Variants in ADGRB3 observed in about 807,000 individuals in gnomAD.
ADGRB3 encodes the protein brain-specific angiogenesis inhibitor 3.
In ADGRB3, 37 loss-of-function variants were observed where a neutral mutation model predicts 193.4. The ratio of observed to expected loss-of-function variants is 0.19; its 90% CI spans 0.15 to 0.25. ADGRB3 has a LOEUF of 0.25. Among genes scored for constraint, ADGRB3 ranks in the 10% least tolerant of loss-of-function variants. The pLI is 1.00. For missense variants in ADGRB3, 1,637 were observed against 1,852.9 expected (o/e 0.88, Z 2.14); for synonymous variants, 690 against 644.2 (o/e 1.07, Z -1.08).
At chr6:68,684,889 G>T (rs1049201459) in intron 3 of ADGRB3, among the ~76,000 whole-genome samples, 1 of 151,878 alleles carries the variant, frequency 6.6e-6, no homozygotes, top group African/African-American at 2.4e-5. Flanking sequence ...AGAGCATGGG[G>T]TAACATGATG....
At chr6:68,825,685 T>C (rs544770) in intron 3 of ADGRB3, among the ~76,000 whole-genome samples, 13,602 of 152,106 alleles carry the variant, frequency 0.089, 694 homozygotes, top group African/African-American at 0.12. Flanking sequence ...GTTCTCATGA[T>C]AGTGAGTGAG....
At chr6:69,180,577 C>G (rs762403075) in intron 17 of ADGRB3, among the ~76,000 whole-genome samples, 1 of 152,130 alleles carries the variant, frequency 6.6e-6, no homozygotes, top group Non-Finnish European at 1.5e-5. Flanking sequence ...CCATCATTAT[C>G]TCAGGAGAGC....
intron 15 of ADGRB3, among the ~76,000 whole-genome samples, chr6:69,053,965 A>G (rs1168626212): frequency 6.6e-6 from 1 of 152,204 alleles, no homozygotes; most frequent in Non-Finnish European, 1.5e-5. Context: ...TCAGCTTCCA[A>G]TTTTGTGGGA....
chr6:69,346,172 T>G (rs776468760), intron 26 of ADGRB3, among the ~76,000 whole-genome samples: 18 of 152,162 alleles, frequency 1.2e-4, no homozygotes, highest in Admixed American at 4.6e-4. Flanking sequence ...CCGAAGTAAT[T>G]TATAGATTCA....
chr6:69,022,336 T>C (rs1422849395), intron 13 of ADGRB3, among the ~76,000 whole-genome samples: 1 of 151,864 alleles, frequency 6.6e-6, no homozygotes, highest in African/African-American at 2.4e-5. Context: ...TTAGTATCAA[T>C]TAGGTCTGGA....
At chr6:68,651,208 G>T (rs541530323) in intron 3 of ADGRB3, among the ~76,000 whole-genome samples, 56 of 152,238 alleles carry the variant, frequency 3.7e-4, no homozygotes, top group African/African-American at 1.3e-3. Flanking sequence ...AACTTAAAGG[G>T]CAAACTGTAT....
intron 20 of ADGRB3, among the ~76,000 whole-genome samples, chr6:69,301,529 T>A (rs1447009162): frequency 6.6e-6 from 1 of 151,894 alleles, no homozygotes; most frequent in Non-Finnish European, 1.5e-5. Context: ...TTCTTGCATA[T>A]TTTTCATCAT....
chr6:69,085,091 G>A (rs769909946), intron 17 of ADGRB3, among the ~76,000 whole-genome samples: 7 of 152,126 alleles, frequency 4.6e-5, no homozygotes, highest in Non-Finnish European at 1.0e-4. Context: ...TACCCTCGGT[G>A]AAAATATTGC....
At chr6:68,857,282 G>T (rs1311824752) in intron 3 of ADGRB3, among the ~76,000 whole-genome samples, 1 of 152,186 alleles carries the variant, frequency 6.6e-6, no homozygotes, top group Non-Finnish European at 1.5e-5. Flanking sequence ...ACCCCTGAAT[G>T]GTAGATCCAC....
Position 68,664,606 on chromosome 6 carries a change from C to T in ADGRB3, c.757+25174C>T, listed in dbSNP as rs572661437. ...GAAATACATTTCCTTTGTTTATCAG[C>T]CACCAAGGCTATTGTGCTCTGTTAC... On this transcript the variant is annotated intron_variant, in intron 3 of 31. Transcript: ENST00000370598. Among the ~76,000 whole-genome samples the T allele has an allele frequency of 2.6e-5, 4 of 151,958 alleles. No homozygotes were observed. The South Asian group carries it at 8.3e-4, about 32-fold the overall frequency.
At chr6:68,809,667 C>G (rs1001608595) in intron 3 of ADGRB3, among the ~76,000 whole-genome samples, 2 of 152,120 alleles carry the variant, frequency 1.3e-5, no homozygotes, top group Admixed American at 6.5e-5. Context: ...AGGTCAAGTA[C>G]TGATTTTGTA....
Position 68,892,459 on chromosome 6 carries a change from C to A in ADGRB3, c.758-38100C>A, listed in dbSNP as rs141431272. On this transcript the variant is annotated intron_variant, in intron 3 of 31. Coordinates refer to ENST00000370598, the MANE Select transcript of ADGRB3 (RefSeq NM_001704.3). ...ACTCCTCAGAGAGGTCTTCCTTGAG[C>A]CCCTTATGTAAATTAGCCAGCTCAT... Among the ~76,000 whole-genome samples, 727 of 152,268 alleles carry A rather than the reference C, an allele frequency of 4.8e-3. 5 individuals are homozygous for A. Among genetic ancestry groups the A allele is most frequent in the African/African-American group, 0.016 (683 of 41,552 alleles).
At chr6:68,792,509 C>T (rs1050460288) in intron 3 of ADGRB3, among the ~76,000 whole-genome samples, 3 of 152,092 alleles carry the variant, frequency 2.0e-5, no homozygotes, top group African/African-American at 7.2e-5. Flanking sequence ...GTGCTTGTGG[C>T]CCTATGACTC....
At chr6:69,016,866 A>C (rs1304854630) in intron 12 of ADGRB3, among the ~76,000 whole-genome samples, 1 of 151,892 alleles carries the variant, frequency 6.6e-6, no homozygotes, top group Non-Finnish European at 1.5e-5. Context: ...TTTCAACACA[A>C]AAAAATAAGC....
chr6:68,787,832 G>T (rs549352857), intron 3 of ADGRB3, among the ~76,000 whole-genome samples: 15 of 152,068 alleles, frequency 9.9e-5, no homozygotes, highest in Non-Finnish European at 1.9e-4. Flanking sequence ...CAATTTCAGA[G>T]CCTGTTATTG....
rs62416399 is a variant in ADGRB3, at chr6:68,883,406, C to A, written c.758-47153C>A. On this transcript the variant is annotated intron_variant, in intron 3 of 31. Coordinates refer to ENST00000370598, the MANE Select transcript of ADGRB3 (RefSeq NM_001704.3). ...TAAAAGCAGGCTGCAGCACCAGCTG[C>A]GGCAATCAGGTTGCGTCTCCTTCCA... 6.0e-4 allele frequency among the ~76,000 whole-genome samples: 92 copies of A among 152,210 alleles called. 1 individual carries two copies. Among genetic ancestry groups the A allele is most frequent in the Non-Finnish European group, 1.1e-3 (78 of 68,008 alleles).
rs371402364 is a variant in ADGRB3, at chr6:68,995,975, T to G, written c.1929+2013T>G. ...ATATTTACTGTCTTCTTTACTTGAT[T>G]ATAAACTCTGGTTTATAATCTTCAT... On this transcript the variant is annotated intron_variant, in intron 11 of 31. Transcript: ENST00000370598. 6.6e-5 allele frequency among the ~76,000 whole-genome samples: 10 copies of G among 152,344 alleles called. No individual in the cohort carries two copies. The East Asian group carries it at 1.9e-3, about 29-fold the overall frequency.
rs186819976 is a variant in ADGRB3 at position 68,949,441 on chromosome 6, G to T, written c.1195+5447G>T. On this transcript the variant is annotated intron_variant, in intron 6 of 31. Transcript: ENST00000370598. ...CCTAAGAGTAGGGCCTCATAAACAGGTAGACCCAAATATTTCTGTTATATA... is the reference window on the plus strand; with the variant it reads ...CCTAAGAGTAGGGCCTCATAAACAGTTAGACCCAAATATTTCTGTTATATA... 1.2e-3 allele frequency among the ~76,000 whole-genome samples: 189 copies of T among 152,262 alleles called. 2 individuals are homozygous for T. In the South Asian group the frequency reaches 0.016, roughly 13 times the overall value.
chr6:69,248,906 G>A (rs1198066755), intron 20 of ADGRB3, among the ~76,000 whole-genome samples: 1 of 152,200 alleles, frequency 6.6e-6, no homozygotes, highest in Admixed American at 6.5e-5. Flanking sequence ...CTGGAACAGA[G>A]GGACCTTGGC....
Sources: allele counts gnomAD v4.1 joint callset (sites outside exome capture counted in the v4.1 genomes callset), GRCh38; gene constraint gnomAD v4.1.1; transcripts MANE v1.5; gene names NCBI Gene and HGNC (gene_info 2026-07-23, HGNC 2026-07-21).